TARBP1: variants seen among roughly 807,000 people sequenced by gnomAD.
The protein encoded by TARBP1 is tRNA guanosine 2 -O-methyltransferase TARBP1.
A neutral mutation model predicts 178.6 loss-of-function variants in TARBP1; 144 were observed. The ratio of observed to expected loss-of-function variants is 0.81; its 90% CI spans 0.70 to 0.93. The LOEUF is 0.93. TARBP1 is among the 40% of genes least tolerant of loss of function. The pLI, the probability that TARBP1 is intolerant of heterozygous loss-of-function variation, is 0.00. For missense variants in TARBP1, 2,067 were observed against 2,011.7 expected (o/e 1.03, Z -0.53); for synonymous variants, 787 against 781.0 (o/e 1.01, Z -0.13).
chr1:234,458,335 ACT>A (rs975505397), intron 8 of TARBP1, among the ~76,000 whole-genome samples: 3 of 151,754 alleles, frequency 2.0e-5, no homozygotes, highest in African/African-American at 7.3e-5. Context: ...CAAGAGCAAA[ACT>A]CTGTCTCAAA....
At chr1:234,402,420 CTG>C (rs1331716633) in intron 24 of TARBP1, among the ~76,000 whole-genome samples, 3 of 152,168 alleles carry the variant, frequency 2.0e-5, no homozygotes, top group Non-Finnish European at 4.4e-5. Context: ...TAAGTTGACT[CTG>C]TCTCACCTTC....
At chr1:234,418,046 C>A (rs1662629706) in intron 22 of TARBP1, 38 bp downstream of exon 22, 2 of 1,151,054 alleles carry the variant, frequency 1.7e-6, no homozygotes, top group East Asian at 3.0e-5. Context: ...AAAATCATGT[C>A]TTAGTTTAAA....
intron 9 of TARBP1, 63 bp from the exon 10 acceptor site, chr1:234,450,629 T>G: frequency 6.5e-7 from 1 of 1,534,162 alleles, no homozygotes; most frequent in Non-Finnish European, 8.8e-7. Context: ...ATTTCTAATC[T>G]CCTTAAGCCA....
At chr1:234,429,805 C>G in intron 15 of TARBP1, 128 bp from the exon 16 acceptor site, 2 of 1,095,838 alleles carry the variant, frequency 1.8e-6, no homozygotes, top group Non-Finnish European at 2.6e-6. Context: ...TGGTCATTAT[C>G]AAACAGCCTA....
intron 22 of TARBP1, among the ~76,000 whole-genome samples, chr1:234,414,969 G>A (rs1558169380): frequency 1.3e-5 from 2 of 152,030 alleles, no homozygotes; most frequent in African/African-American, 4.8e-5. Context: ...GGGCGACAGA[G>A]CGAGACTCTG....
intron 19 of TARBP1, among the ~76,000 whole-genome samples, chr1:234,426,479 T>C (rs1165755522): frequency 6.6e-6 from 1 of 151,428 alleles, no homozygotes; most frequent in Non-Finnish European, 1.5e-5. Flanking sequence ...CAAGAAAAAA[T>C]AACTAAAAAC....
intron 13 of TARBP1, among the ~76,000 whole-genome samples, chr1:234,435,650 C>A (rs1178920259): frequency 6.6e-6 from 1 of 152,160 alleles, no homozygotes. Flanking sequence ...TCTCTTGTAA[C>A]AAAGGGAAGA....
intron 3 of TARBP1, among the ~76,000 whole-genome samples, chr1:234,469,785 T>C (rs1159241794): frequency 3.3e-5 from 5 of 152,254 alleles, no homozygotes; most frequent in Non-Finnish European, 7.3e-5. Flanking sequence ...CTTCATTGTG[T>C]ATCTCCTAAA....
intron 12 of TARBP1, among the ~76,000 whole-genome samples, chr1:234,443,933 A>C (rs1665870219): frequency 6.6e-6 from 1 of 152,114 alleles, no homozygotes; most frequent in South Asian, 2.1e-4. Flanking sequence ...CAGAAAGTAG[A>C]ATGGTGATTG....
chr1:234,467,459 C>T (rs16843273), intron 4 of TARBP1, 43 bp downstream of exon 4: 88,124 of 1,470,522 alleles, frequency 0.06, 5,917 homozygotes, highest in East Asian at 0.32. Flanking sequence ...TTACCTCTCG[C>T]CTTTCAACAA....
chr1:234,465,623 T>C (rs759674987), intron 5 of TARBP1, 33 bp downstream of exon 5: 1 of 1,528,230 alleles, frequency 6.5e-7, no homozygotes. Flanking sequence ...GAAATGTATG[T>C]ATCAAATACT....
chr1:234,477,238 G>GA (rs1669649690), intron 1 of TARBP1, among the ~76,000 whole-genome samples: 3 of 152,132 alleles, frequency 2.0e-5, no homozygotes, highest in South Asian at 4.1e-4. Flanking sequence ...GTAAATAAAT[G>GA]AATGTTTTAA....
chr1:234,426,474 A>G (rs1398566260), intron 19 of TARBP1, among the ~76,000 whole-genome samples: 2 of 152,216 alleles, frequency 1.3e-5, no homozygotes, highest in Non-Finnish European at 2.9e-5. Flanking sequence ...CCAGCCAAGA[A>G]AAAATAACTA....
chr1:234,460,908 T>C (rs59476443), intron 6 of TARBP1, among the ~76,000 whole-genome samples: 14,811 of 152,236 alleles, frequency 0.097, 1,213 homozygotes, highest in East Asian at 0.32. Context: ...ACCTTGAAAA[T>C]ACTATGCTAG....
intron 9 of TARBP1, among the ~76,000 whole-genome samples, chr1:234,454,820 G>A (rs1221161267): frequency 1.3e-5 from 2 of 152,172 alleles, no homozygotes; most frequent in Non-Finnish European, 2.9e-5. Flanking sequence ...CGGAACCTGT[G>A]AATGTTACCT....
intron 14 of TARBP1, among the ~76,000 whole-genome samples, chr1:234,432,801 G>A (rs1300772871): frequency 1.3e-5 from 2 of 152,284 alleles, no homozygotes; most frequent in East Asian, 3.9e-4. Flanking sequence ...ATTAGACAGT[G>A]GACAGCTAGG....
chr1:234,458,680 A>G (rs996576654), intron 8 of TARBP1, among the ~76,000 whole-genome samples: 2 of 152,214 alleles, frequency 1.3e-5, no homozygotes, highest in African/African-American at 2.4e-5. Flanking sequence ...AGCACAGGAT[A>G]CACACCATAT....
chr1:234,437,895 G>A (rs753332325), intron 12 of TARBP1, among the ~76,000 whole-genome samples: 8 of 152,168 alleles, frequency 5.3e-5, no homozygotes, highest in Non-Finnish European at 1.2e-4. Context: ...AAGTGGCCTC[G>A]GAAAGCTGTT....
chr1:234,400,031 TATA>T (rs1384239810), intron 25 of TARBP1, among the ~76,000 whole-genome samples: 1 of 110,772 alleles, frequency 9.0e-6, no homozygotes, highest in African/African-American at 3.5e-5. Flanking sequence ...AAACTTAAAG[TATA>T]ATAATAATAA....
Sources: allele counts gnomAD v4.1 joint callset (sites outside exome capture counted in the v4.1 genomes callset), GRCh38; gene constraint gnomAD v4.1.1; transcripts MANE v1.5; gene names NCBI Gene and HGNC (gene_info 2026-07-23, HGNC 2026-07-21).